TUSC3: variants seen among roughly 807,000 people sequenced by gnomAD.
The protein encoded by TUSC3 is dolichyl-diphosphooligosaccharide--protein glycosyltransferase subunit TUSC3.
A neutral mutation model predicts 44.8 loss-of-function variants in TUSC3; 45 were observed. The ratio of observed to expected loss-of-function variants is 1.00; its 90% CI spans 0.79 to 1.29. The LOEUF (loss-of-function observed/expected upper bound fraction) is 1.29. TUSC3 is among the 50% of genes most tolerant of loss of function. The probability of loss-of-function intolerance (pLI) is 0.00; values close to 1 mark genes in which losing one functional copy is unlikely to be tolerated. For synonymous variants in TUSC3, 212 were observed against 152.9 expected (o/e 1.39, Z -2.85); for missense variants, 519 against 437.9 (o/e 1.19, Z -1.65).
chr8:15,495,625 G>T (rs1374532058), intron 2 of TUSC3, among the ~76,000 whole-genome samples: 3 of 152,068 alleles, frequency 2.0e-5, no homozygotes, highest in Non-Finnish European at 4.4e-5. Context: ...TTCTACCCAA[G>T]AAAATAAGCA....
chr8:15,595,407 G>T (rs1201161254), intron 1 of TUSC3, among the ~76,000 whole-genome samples: 1 of 152,050 alleles, frequency 6.6e-6, no homozygotes, highest in Non-Finnish European at 1.5e-5. Flanking sequence ...GAGTCAGCTG[G>T]TCTCTGCCTG....
intron 3 of TUSC3, among the ~76,000 whole-genome samples, chr8:15,652,620 C>T (rs1260895132): frequency 2.0e-5 from 3 of 151,988 alleles, no homozygotes; most frequent in Non-Finnish European, 2.9e-5. Context: ...TATGTAATTT[C>T]AAATAACCTA....
At chr8:15,517,024 A>G (rs1036359227) in intron 2 of TUSC3, among the ~76,000 whole-genome samples, 15 of 152,204 alleles carry the variant, frequency 9.9e-5, no homozygotes, top group African/African-American at 3.6e-4. Flanking sequence ...CATCTAGTCC[A>G]TGGTACCAGG....
In TUSC3 at chr8:15,423,969, G is replaced by GTTTTTTTTTTTTTTTTTTTTT. The variant is rs112397215; in HGVS notation, n.91+6682_91+6702dup. 1.1e-4 allele frequency among the ~76,000 whole-genome samples: 8 copies of GTTTTTTTTTTTTTTTTTTTTT among 70,392 alleles called. 1 individual carries two copies. Among genetic ancestry groups the GTTTTTTTTTTTTTTTTTTTTT allele is most frequent in the Non-Finnish European group, 1.9e-4 (6 of 31,962 alleles). The allele number at this position is 70,392 out of a possible 152,430, so 46.2% of individuals were successfully genotyped here. On this transcript the variant is annotated intron_variant and non_coding_transcript_variant, in intron 1 of 5. Coordinates refer to the TUSC3 transcript ENST00000503191. Reference sequence around the variant, plus strand: ...TACAGCATTCATACTGTTTTGCTTTGTTTTTTTTTTTTTTTTTTTTTTTTT... The same window carrying GTTTTTTTTTTTTTTTTTTTTT: ...TACAGCATTCATACTGTTTTGCTTTGTTTTTTTTTTTTTTTTTTTTTTTTTTTTTTTTTTTTTTTTTTTTTT...
At chr8:15,435,802 A>G (rs1459069483) in intron 1 of TUSC3, among the ~76,000 whole-genome samples, 6 of 152,154 alleles carry the variant, frequency 3.9e-5, no homozygotes, top group Non-Finnish European at 5.9e-5. Flanking sequence ...CAATTTCCAT[A>G]TAGAGTTTAA....
chr8:15,483,833 A>G (rs112379205), intron 2 of TUSC3, among the ~76,000 whole-genome samples: 2 of 148,322 alleles, frequency 1.3e-5, no homozygotes, highest in African/African-American at 5.0e-5. Context: ...TTTTTTTTGT[A>G]TTTTTAGTAG....
At chr8:15,468,150 A>G (rs531797054) in intron 1 of TUSC3, among the ~76,000 whole-genome samples, 1 of 152,328 alleles carries the variant, frequency 6.6e-6, no homozygotes, top group East Asian at 1.9e-4. Flanking sequence ...GAAGAGTATC[A>G]TATAATTATC....
the TUSC3 span, among the ~76,000 whole-genome samples, chr8:15,838,493 C>T: frequency 5.3e-5 from 8 of 152,252 alleles, no homozygotes; most frequent in Non-Finnish European, 7.4e-5. Flanking sequence ...AAAGTCTCCA[C>T]GTTCAAATCC....
the TUSC3 span, among the ~76,000 whole-genome samples, chr8:15,814,788 C>T: frequency 1.3e-5 from 2 of 152,090 alleles, no homozygotes; most frequent in East Asian, 1.9e-4. Flanking sequence ...TGTGAAATAA[C>T]CTACTGCACA....
chr8:15,617,501 A>G (rs1005942971), intron 1 of TUSC3, among the ~76,000 whole-genome samples: 5 of 152,128 alleles, frequency 3.3e-5, no homozygotes, highest in Middle Eastern at 3.4e-3. Flanking sequence ...CAACGTCACA[A>G]TATGCATTCT....
At chr8:15,592,539 C>T (rs1803885686) in intron 1 of TUSC3, among the ~76,000 whole-genome samples, 1 of 152,164 alleles carries the variant, frequency 6.6e-6, no homozygotes, top group East Asian at 1.9e-4. Flanking sequence ...CCTGCCACCT[C>T]CTCCTAACTC....
intron 6 of TUSC3, among the ~76,000 whole-genome samples, chr8:15,720,775 A>T (rs1371550155): frequency 6.6e-6 from 1 of 152,152 alleles, no homozygotes; most frequent in Non-Finnish European, 1.5e-5. Flanking sequence ...TTTTAGCATG[A>T]TATAATGGCA....
chr8:15,480,051 T>C (rs1663471775), intron 1 of TUSC3, among the ~76,000 whole-genome samples: 1 of 152,030 alleles, frequency 6.6e-6, no homozygotes, highest in Admixed American at 6.6e-5. Context: ...CCATTTACAA[T>C]TGCTACAAAG....
intron 1 of TUSC3, among the ~76,000 whole-genome samples, chr8:15,617,142 T>A (rs80139751): frequency 0.023 from 183 of 8,008 alleles, no homozygotes; most frequent in African/African-American, 0.043. Flanking sequence ...GTATATATTT[T>A]TTTTTTTTTT....
intron 1 of TUSC3, among the ~76,000 whole-genome samples, chr8:15,451,238 C>G (rs994315041): frequency 6.6e-6 from 1 of 152,110 alleles, no homozygotes; most frequent in Non-Finnish European, 1.5e-5. Context: ...TGGTCTTTCT[C>G]TTAGTTTCCT....
chr8:15,585,472 G>T (rs1803558893), intron 1 of TUSC3, among the ~76,000 whole-genome samples: 1 of 152,180 alleles, frequency 6.6e-6, no homozygotes, highest in South Asian at 2.1e-4. Context: ...GCTGTCTGCT[G>T]TGAAGAGGGG....
chr8:15,708,121 A>G (rs1336633038), intron 6 of TUSC3, among the ~76,000 whole-genome samples: 2 of 151,946 alleles, frequency 1.3e-5, no homozygotes, highest in Non-Finnish European at 2.9e-5. Context: ...GTCACAGTCC[A>G]AGTTAATTTT....
chr8:15,690,050 A>C (rs1478457201), intron 6 of TUSC3, among the ~76,000 whole-genome samples: 1 of 152,100 alleles, frequency 6.6e-6, no homozygotes, highest in Non-Finnish European at 1.5e-5. Flanking sequence ...GGCTGGGTCA[A>C]ATGGTAATTA....
In TUSC3 at chr8:15,666,223, A is replaced by G. The variant is rs138290822; in HGVS notation, c.708+3927A>G. Reference sequence around the variant, plus strand: ...TCATTTCAAGCCAGAAAATATTAGTAGGATAAGCAATAACATTCATTTCAA... The same window carrying G: ...TCATTTCAAGCCAGAAAATATTAGTGGGATAAGCAATAACATTCATTTCAA... On this transcript the variant is annotated intron_variant, in intron 5 of 10. Coordinates refer to ENST00000503731, the MANE Select transcript of TUSC3 (RefSeq NM_006765.4). Among the ~76,000 whole-genome samples the G allele has an allele frequency of 4.3e-3, 648 of 151,596 alleles. 5 individuals are homozygous for G. Among genetic ancestry groups the G allele is most frequent in the Non-Finnish European group, 7.4e-3 (503 of 67,538 alleles).
Sources: gnomAD v4.1 joint callset for allele counts (sites outside exome capture counted in the v4.1 genomes callset) on GRCh38, gnomAD v4.1.1 for gene constraint, MANE v1.5 for transcripts, NCBI Gene and HGNC (gene_info 2026-07-23, HGNC 2026-07-21) for gene names.